The following CACNA2D3 variants were observed in gnomAD, a reference collection of about 807,000 sequenced individuals.
CACNA2D3 encodes the protein calcium voltage-gated channel auxiliary subunit alpha2delta 3.
CACNA2D3 carries 60 observed loss-of-function variants against 160.6 expected under a neutral mutation model. The ratio of observed to expected loss-of-function variants is 0.37; its 90% CI spans 0.30 to 0.46. The LOEUF is 0.46. CACNA2D3 is among the 20% of genes least tolerant of loss of function. The probability of loss-of-function intolerance (pLI) is 1.00; values close to 1 mark genes in which losing one functional copy is unlikely to be tolerated. For synonymous variants in CACNA2D3, 558 were observed against 492.9 expected (o/e 1.13, Z -1.75); for missense variants, 1,205 against 1,365.0 (o/e 0.88, Z 1.85).
chr3:54,892,621 A>C (rs1559619654), intron 25 of CACNA2D3, among the ~76,000 whole-genome samples: 2 of 152,058 alleles, frequency 1.3e-5, no homozygotes, highest in Non-Finnish European at 1.5e-5. Flanking sequence ...TTTTTCCCCC[A>C]GACAATTGTT....
At chr3:54,818,901 C>T (rs1703522034) in intron 14 of CACNA2D3, among the ~76,000 whole-genome samples, 1 of 152,182 alleles carries the variant, frequency 6.6e-6, no homozygotes, top group Non-Finnish European at 1.5e-5. Flanking sequence ...GGAAATTCAG[C>T]TCTTTGAAGA....
chr3:54,720,658 A>G (rs577100383), intron 11 of CACNA2D3, among the ~76,000 whole-genome samples: 1 of 152,010 alleles, frequency 6.6e-6, no homozygotes, highest in African/African-American at 2.4e-5. Flanking sequence ...TGATTGCTGT[A>G]TTTGCTTATT....
In CACNA2D3 at chr3:54,486,008, A is replaced by C. The variant is rs533415319; in HGVS notation, c.382-17484A>C. On this transcript the variant is annotated intron_variant, in intron 4 of 37. Coordinates refer to ENST00000474759, the MANE Select transcript of CACNA2D3 (RefSeq NM_018398.3). ...CTGCATTCCTTTCCTAAGATTTGGG[A>C]ATTGCACGAAAAATTTCAGCCTATT... 2.0e-5 allele frequency among the ~76,000 whole-genome samples: 3 copies of C among 152,262 alleles called. No homozygotes were observed. In the East Asian group the frequency reaches 5.8e-4, roughly 29 times the overall value.
chr3:54,140,960 G>T (rs1370621521), intron 2 of CACNA2D3, among the ~76,000 whole-genome samples: 1 of 152,132 alleles, frequency 6.6e-6, no homozygotes. Context: ...AGGTCTGCCT[G>T]GTCCTCAGCC....
intron 3 of CACNA2D3, among the ~76,000 whole-genome samples, chr3:54,329,438 G>T (rs567491101): frequency 5.3e-5 from 8 of 152,344 alleles, no homozygotes; most frequent in African/African-American, 1.7e-4. Context: ...AAGGGGAAAA[G>T]AAAGTATTAG....
intron 3 of CACNA2D3, among the ~76,000 whole-genome samples, chr3:54,371,876 G>C (rs1698931459): frequency 6.6e-6 from 1 of 152,198 alleles, no homozygotes; most frequent in Non-Finnish European, 1.5e-5. Flanking sequence ...GAAAAACGTG[G>C]CCTGAACTGA....
intron 2 of CACNA2D3, among the ~76,000 whole-genome samples, chr3:54,172,765 T>C (rs1390558060): frequency 1.3e-5 from 2 of 152,242 alleles, no homozygotes; most frequent in African/African-American, 4.8e-5. Context: ...TTCTATTTCA[T>C]TGATTCATTT....
chr3:54,813,909 G>C (rs889382321), intron 13 of CACNA2D3, among the ~76,000 whole-genome samples: 19 of 143,008 alleles, frequency 1.3e-4, no homozygotes, highest in African/African-American at 4.6e-4. Context: ...CTGTCGCCCA[G>C]GCTGGAGTGC....
intron 3 of CACNA2D3, among the ~76,000 whole-genome samples, chr3:54,356,660 G>A (rs989181537): frequency 2.6e-5 from 4 of 152,116 alleles, no homozygotes; most frequent in African/African-American, 4.8e-5. Flanking sequence ...TACAAGGAGC[G>A]TTCAGCGTTA....
intron 2 of CACNA2D3, among the ~76,000 whole-genome samples, chr3:54,127,372 T>C (rs1413280408): frequency 6.6e-6 from 1 of 152,234 alleles, no homozygotes; most frequent in Non-Finnish European, 1.5e-5. Flanking sequence ...AGTTGATATC[T>C]CTTTCCACAG....
intron 27 of CACNA2D3, among the ~76,000 whole-genome samples, chr3:54,957,154 T>G (rs12635080): frequency 0.68 from 101,996 of 149,596 alleles, 34,614 homozygotes; most frequent in Middle Eastern, 0.84. Flanking sequence ...AATCAAGTTA[T>G]AAAATAATTT....
At chr3:54,438,676 TATC>T (rs1559481229) in intron 4 of CACNA2D3, among the ~76,000 whole-genome samples, 4 of 152,342 alleles carry the variant, frequency 2.6e-5, no homozygotes, top group Admixed American at 1.3e-4. Context: ...TATCAGCTAT[TATC>T]ATTCTAAATT....
chr3:54,993,158 C>T (rs563696877), intron 31 of CACNA2D3, among the ~76,000 whole-genome samples: 5 of 152,302 alleles, frequency 3.3e-5, no homozygotes, highest in East Asian at 3.9e-4. Flanking sequence ...TGGGTGAGGA[C>T]ACAGATCCAA....
intron 17 of CACNA2D3, among the ~76,000 whole-genome samples, chr3:54,861,885 A>G (rs1575516585): frequency 6.6e-6 from 1 of 152,302 alleles, no homozygotes; most frequent in Admixed American, 6.5e-5. Context: ...CTTACAAGGG[A>G]CATTTGGCTT....
intron 2 of CACNA2D3, among the ~76,000 whole-genome samples, chr3:54,277,612 C>A (rs1702776493): frequency 6.6e-6 from 1 of 151,850 alleles, no homozygotes; most frequent in Non-Finnish European, 1.5e-5. Flanking sequence ...GCTCTACGGG[C>A]TTTTTTTTGA....
intron 9 of CACNA2D3, among the ~76,000 whole-genome samples, chr3:54,622,463 G>C (rs1699009478): frequency 6.6e-6 from 1 of 152,160 alleles, no homozygotes; most frequent in South Asian, 2.1e-4. Context: ...TGTTAGTAGA[G>C]ATGGGGTTTC....
At chr3:54,809,543 C>G (rs1476599902) in intron 13 of CACNA2D3, among the ~76,000 whole-genome samples, 1 of 146,400 alleles carries the variant, frequency 6.8e-6, no homozygotes, top group South Asian at 2.1e-4. Flanking sequence ...TGGTCTCGAT[C>G]TCCTGACCTC....
chr3:54,184,934 A>G (rs1700854874), intron 2 of CACNA2D3, among the ~76,000 whole-genome samples: 1 of 152,200 alleles, frequency 6.6e-6, no homozygotes, highest in South Asian at 2.1e-4. Flanking sequence ...CCAGGGACGT[A>G]GGCTAGGTAG....
chr3:54,303,693 G>C (rs1052765893), intron 2 of CACNA2D3, among the ~76,000 whole-genome samples: 26 of 152,168 alleles, frequency 1.7e-4, no homozygotes, highest in Non-Finnish European at 7.3e-5. Flanking sequence ...GCTATGATGC[G>C]TGAAAACACT....
Sources: allele counts gnomAD v4.1 joint callset (sites outside exome capture counted in the v4.1 genomes callset), GRCh38; gene constraint gnomAD v4.1.1; transcripts MANE v1.5; gene names NCBI Gene and HGNC (gene_info 2026-07-23, HGNC 2026-07-21).